Variants in SMOC1 observed in about 807,000 individuals in gnomAD.
SMOC1 encodes the protein SPARC-related modular calcium-binding protein 1.
In SMOC1, 22 loss-of-function variants were observed where a neutral mutation model predicts 56.3. The ratio of observed to expected loss-of-function variants is 0.39; its 90% CI spans 0.28 to 0.56. The LOEUF is 0.56. SMOC1 is among the 20% of genes least tolerant of loss of function. The pLI, the probability that SMOC1 is intolerant of heterozygous loss-of-function variation, is 0.61. For synonymous variants in SMOC1, 193 were observed against 215.0 expected (o/e 0.90, Z 0.89); for missense variants, 509 against 565.4 (o/e 0.90, Z 1.01).
At chr14:69,952,074 T>C in intron 1 of SMOC1, 64 bp from the exon 2 acceptor site, 10 of 1,571,090 alleles carry the variant, frequency 6.4e-6, no homozygotes, top group Non-Finnish European at 8.8e-6. Context: ...CTGTAAGTCA[T>C]GGACTCGCCC....
intron 1 of SMOC1, among the ~76,000 whole-genome samples, chr14:69,895,981 T>C (rs994493494): frequency 4.6e-5 from 7 of 151,766 alleles, no homozygotes; most frequent in African/African-American, 1.7e-4. Context: ...CTGAGTAGCT[T>C]GAACTAAGAT....
chr14:69,981,509 AAG>A (rs898891391), intron 5 of SMOC1, among the ~76,000 whole-genome samples: 4 of 152,020 alleles, frequency 2.6e-5, no homozygotes, highest in Non-Finnish European at 4.4e-5. Context: ...CTGGCCCTTA[AAG>A]AGAGACGTGT....
chr14:69,903,899 T>TA (rs1884335798), intron 1 of SMOC1, among the ~76,000 whole-genome samples: 1 of 63,634 alleles, frequency 1.6e-5, no homozygotes, highest in African/African-American at 3.3e-5. Context: ...GAATGATCAA[T>TA]TAAAAAAAAA....
At chr14:69,959,414 C>A (rs1479474475) in intron 3 of SMOC1, among the ~76,000 whole-genome samples, 3 of 151,992 alleles carry the variant, frequency 2.0e-5, no homozygotes, top group Non-Finnish European at 4.4e-5. Context: ...AGACTCATTC[C>A]CAAGATATTT....
intron 6 of SMOC1, among the ~76,000 whole-genome samples, chr14:69,993,324 T>C (rs1030361185): frequency 2.0e-5 from 3 of 152,092 alleles, no homozygotes; most frequent in African/African-American, 7.2e-5. Flanking sequence ...GAGGTTCAAG[T>C]TGGAGGTGCT....
chr14:69,941,954 C>T (rs556575965), intron 1 of SMOC1, among the ~76,000 whole-genome samples: 28 of 152,272 alleles, frequency 1.8e-4, no homozygotes, highest in African/African-American at 6.7e-4. Flanking sequence ...CTGCTCTGTC[C>T]AGCACTCAGC....
intron 10 of SMOC1, among the ~76,000 whole-genome samples, chr14:70,020,514 C>G (rs1405952731): frequency 6.6e-6 from 1 of 152,140 alleles, no homozygotes. Flanking sequence ...CAACAGGACC[C>G]TCGGGCCTCA....
chr14:70,022,289 T>A (rs756765905), intron 10 of SMOC1, among the ~76,000 whole-genome samples: 4 of 152,214 alleles, frequency 2.6e-5, no homozygotes, highest in African/African-American at 7.2e-5. Context: ...ATAACATAGA[T>A]GAGTAGGCCA....
chr14:69,897,520 C>A (rs550803734), intron 1 of SMOC1, among the ~76,000 whole-genome samples: 1 of 151,774 alleles, frequency 6.6e-6, no homozygotes, highest in African/African-American at 2.4e-5. Flanking sequence ...TTTAATTGAG[C>A]ATTTTTAATG....
chr14:70,016,675 C>G (rs754033462), intron 10 of SMOC1, among the ~76,000 whole-genome samples: 1 of 152,210 alleles, frequency 6.6e-6, no homozygotes, highest in Non-Finnish European at 1.5e-5. Flanking sequence ...CCCCACCTCT[C>G]CTCACATATT....
At position 70,027,990 on chromosome 14, in the gene SMOC1, G is replaced by A. The variant is rs542163161; in HGVS notation, c.1292-2252G>A. On this transcript the variant is annotated intron_variant, in intron 11 of 11. Transcript: ENST00000361956. Reference sequence around the variant, plus strand: ...GTCGGTCATCCATCCCGTGTCGTGCGGTGCCCCCTGGTGGGCTGCGAGGGG... The same window carrying A: ...GTCGGTCATCCATCCCGTGTCGTGCAGTGCCCCCTGGTGGGCTGCGAGGGG... 2.6e-5 allele frequency among the ~76,000 whole-genome samples: 4 copies of A among 152,274 alleles called. No homozygotes were observed. In the Middle Eastern group the frequency reaches 0.01, roughly 388 times the overall value.
chr14:70,010,137 A>G (rs1188373454), intron 7 of SMOC1, among the ~76,000 whole-genome samples: 1 of 152,170 alleles, frequency 6.6e-6, no homozygotes, highest in Non-Finnish European at 1.5e-5. Flanking sequence ...CTCCAATTGG[A>G]TGGAAGCAGC....
rs116551797 is a variant in SMOC1 at position 69,935,106 on chromosome 14, A to G, written c.100-17032A>G. ...TCAGCAGTGCAATTGGGTGCTTTAT[A>G]GTCTAGGTTTTAGATAAATGTAGTC... On this transcript the variant is annotated intron_variant, in intron 1 of 11. Coordinates refer to ENST00000361956, the MANE Select transcript of SMOC1 (RefSeq NM_001034852.3). Among the ~76,000 whole-genome samples the G allele has an allele frequency of 9.9e-3, 1,503 of 152,300 alleles. 26 individuals carry two copies. The highest frequency in any genetic ancestry group is 0.034 in the African/African-American group (1,393 of 41,564).
chr14:69,901,777 A>G (rs191001842), intron 1 of SMOC1, among the ~76,000 whole-genome samples: 146 of 152,360 alleles, frequency 9.6e-4, no homozygotes, highest in African/African-American at 3.3e-3. Flanking sequence ...CCCCGCTGGG[A>G]AACAGGGACT....
intron 1 of SMOC1, among the ~76,000 whole-genome samples, chr14:69,889,931 T>A (rs1883916336): frequency 6.6e-6 from 1 of 152,252 alleles, no homozygotes; most frequent in Non-Finnish European, 1.5e-5. Flanking sequence ...GTTTAAGGAC[T>A]CTTGTGATTA....
intron 10 of SMOC1, among the ~76,000 whole-genome samples, chr14:70,017,586 A>T (rs1885564376): frequency 6.6e-6 from 1 of 152,174 alleles, no homozygotes. Flanking sequence ...ACAGTGGGAA[A>T]AAGGGATAGA....
At chr14:69,880,947 T>C (rs1566658780) in intron 1 of SMOC1, among the ~76,000 whole-genome samples, 1 of 152,224 alleles carries the variant, frequency 6.6e-6, no homozygotes, top group Non-Finnish European at 1.5e-5. Flanking sequence ...GCCCAGATGC[T>C]GGGTTGATTA....
chr14:69,961,490 C>T (rs67295508), intron 3 of SMOC1, among the ~76,000 whole-genome samples: 32,506 of 151,436 alleles, frequency 0.21, 4,368 homozygotes, highest in East Asian at 0.39. Context: ...AATTGATCCT[C>T]CTACCTCAGC....
At chr14:69,956,700 C>T (rs1026507614) in intron 3 of SMOC1, among the ~76,000 whole-genome samples, 4 of 152,036 alleles carry the variant, frequency 2.6e-5, no homozygotes, top group Non-Finnish European at 5.9e-5. Context: ...ATGTGGGACT[C>T]GCTGGCCTCT....
Sources: gnomAD v4.1 joint callset for allele counts (sites outside exome capture counted in the v4.1 genomes callset) on GRCh38, gnomAD v4.1.1 for gene constraint, MANE v1.5 for transcripts, NCBI Gene and HGNC (gene_info 2026-07-23, HGNC 2026-07-21) for gene names.